The following PRKCA variants were observed in gnomAD, a reference collection of about 807,000 sequenced individuals.
PRKCA encodes the protein protein kinase C alpha type.
In PRKCA, 27 loss-of-function variants were observed where a neutral mutation model predicts 87.0. The observed-to-expected ratio is 0.31, with a 90% confidence interval of 0.23 to 0.43. The LOEUF is 0.43. Among genes scored for constraint, PRKCA ranks in the 20% least tolerant of loss-of-function variants. The pLI is 1.00. For synonymous variants in PRKCA, 329 were observed against 311.1 expected (o/e 1.06, Z -0.61); for missense variants, 518 against 852.3 (o/e 0.61, Z 4.88).
At chr17:66,339,122 T>C (rs181751113) in intron 2 of PRKCA, among the ~76,000 whole-genome samples, 7 of 152,302 alleles carry the variant, frequency 4.6e-5, no homozygotes, top group Admixed American at 3.9e-4. Context: ...GGTGCTTGAA[T>C]GAAAGGGTAA....
chr17:66,566,975 A>T (rs553936216), intron 3 of PRKCA, among the ~76,000 whole-genome samples: 3 of 152,222 alleles, frequency 2.0e-5, no homozygotes, highest in Non-Finnish European at 4.4e-5. Flanking sequence ...TTTATCCCAT[A>T]GATAACTAAA....
intron 2 of PRKCA, among the ~76,000 whole-genome samples, chr17:66,389,696 C>G (rs934289577): frequency 6.6e-6 from 1 of 152,178 alleles, no homozygotes; most frequent in African/African-American, 2.4e-5. Flanking sequence ...GCGACTGGTT[C>G]TTTTAGAGAT....
intron 13 of PRKCA, among the ~76,000 whole-genome samples, chr17:66,744,906 T>TC (rs1423158242): frequency 5.3e-5 from 8 of 151,992 alleles, no homozygotes; most frequent in African/African-American, 1.7e-4. Flanking sequence ...GGTGTCTTCT[T>TC]CCCTCCCCCA....
chr17:66,788,930 G>A lies in PRKCA; in HGVS notation c.1805G>A (p.Trp602Ter). 1 of 1,614,100 alleles carries A rather than the reference G, an allele frequency of 6.2e-7. No homozygotes were observed. The highest frequency in any genetic ancestry group is 8.5e-7 in the Non-Finnish European group (1 of 1,180,000). Residue 602 changes from tryptophan to a stop codon, truncating the protein, a stop_gained, in exon 16 of 17, where the codon TGG becomes TAG. Transcript: ENST00000413366. LOFTEE classifies it high-confidence loss of function. ...CATGCCTTCTTCCGGAGGATCGACT[G>A]GGAAAAACTGGAGAACAGGGAGATC... The part of the protein sequence containing the change: ...REHAFFRRID[W>*]EKLENREIQP...
intron 14 of PRKCA, chr17:66,775,851 G>C (rs1048538805): frequency 1.1e-4 from 87 of 795,318 alleles, no homozygotes; most frequent in Non-Finnish European, 1.3e-4. Context: ...CAGCTTAGAG[G>C]AGGAGAGACA....
At chr17:66,664,136 G>C (rs963229355) in intron 5 of PRKCA, among the ~76,000 whole-genome samples, 8 of 152,152 alleles carry the variant, frequency 5.3e-5, no homozygotes, top group African/African-American at 1.9e-4. Flanking sequence ...CCAAAGTGCC[G>C]GGTTTCTAGG....
chr17:66,721,167 C>T (rs1161533133), intron 8 of PRKCA, among the ~76,000 whole-genome samples: 4 of 151,936 alleles, frequency 2.6e-5, no homozygotes, highest in East Asian at 1.9e-4. Flanking sequence ...GAGGCCGAGG[C>T]GGGCGGATCA....
chr17:66,335,544 T>A (rs1906608481), intron 2 of PRKCA, among the ~76,000 whole-genome samples: 1 of 151,158 alleles, frequency 6.6e-6, no homozygotes, highest in African/African-American at 2.4e-5. Flanking sequence ...TAGAACTGAG[T>A]ACACTCCAGC....
At chr17:66,661,636 C>A (rs1186502311) in intron 5 of PRKCA, among the ~76,000 whole-genome samples, 1 of 152,222 alleles carries the variant, frequency 6.6e-6, no homozygotes, top group Non-Finnish European at 1.5e-5. Flanking sequence ...GATTGAGTGA[C>A]ATTTGTCCAA....
chr17:66,346,981 A>C (rs1907417626), intron 2 of PRKCA, among the ~76,000 whole-genome samples: 1 of 152,124 alleles, frequency 6.6e-6, no homozygotes, highest in Admixed American at 6.5e-5. Context: ...CAGGGAGCCA[A>C]GATCATGCCA....
chr17:66,327,591 C>T (rs1254866725), intron 2 of PRKCA, among the ~76,000 whole-genome samples: 1 of 152,100 alleles, frequency 6.6e-6, no homozygotes, highest in African/African-American at 2.4e-5. Context: ...TAACCGCCAG[C>T]TATCTGACAT....
chr17:66,421,696 C>CT (rs1473504954), intron 2 of PRKCA, among the ~76,000 whole-genome samples: 2 of 148,488 alleles, frequency 1.3e-5, no homozygotes, highest in African/African-American at 2.5e-5. Context: ...CCAGGCCTGG[C>CT]TAATTTTTTT....
intron 2 of PRKCA, among the ~76,000 whole-genome samples, chr17:66,389,340 C>A (rs186207802): frequency 6.6e-6 from 1 of 152,306 alleles, no homozygotes; most frequent in East Asian, 1.9e-4. Flanking sequence ...ACCTCTCCTG[C>A]AGCGTAGTGG....
intron 16 of PRKCA, among the ~76,000 whole-genome samples, chr17:66,794,603 G>GT (rs1339976218): frequency 7.0e-6 from 1 of 143,106 alleles, no homozygotes; most frequent in Non-Finnish European, 1.5e-5. Flanking sequence ...TGTTTTTTTT[G>GT]TTTTTTGGGG....
intron 2 of PRKCA, among the ~76,000 whole-genome samples, chr17:66,456,248 T>C (rs540039391): frequency 6.6e-6 from 1 of 152,286 alleles, no homozygotes; most frequent in South Asian, 2.1e-4. Flanking sequence ...GAGAATAGAT[T>C]CCTGTTCTGA....
chr17:66,590,565 T>C (rs759527081), intron 3 of PRKCA, among the ~76,000 whole-genome samples: 19 of 152,286 alleles, frequency 1.2e-4, no homozygotes, highest in Admixed American at 4.6e-4. Context: ...AAGAGGATGC[T>C]GGTCTGGACG....
At chr17:66,369,274 C>G in intron 2 of PRKCA, among the ~76,000 whole-genome samples, 1 of 152,146 alleles carries the variant, frequency 6.6e-6, no homozygotes, top group East Asian at 1.9e-4. Flanking sequence ...CTACCCCAGC[C>G]TAATGAGGTC....
intron 2 of PRKCA, among the ~76,000 whole-genome samples, chr17:66,458,308 A>G (rs1412621436): frequency 6.6e-6 from 1 of 152,128 alleles, no homozygotes; most frequent in African/African-American, 2.4e-5. Context: ...ATAAAGTTAT[A>G]TCTAAAACCT....
chr17:66,606,303 G>A (rs566229239), intron 3 of PRKCA, among the ~76,000 whole-genome samples: 2 of 152,136 alleles, frequency 1.3e-5, no homozygotes, highest in African/African-American at 2.4e-5. Context: ...CAGGAGAATC[G>A]CTTGAACCCG....
Sources: allele counts gnomAD v4.1 joint callset (sites outside exome capture counted in the v4.1 genomes callset), GRCh38; gene constraint gnomAD v4.1.1; transcripts MANE v1.5; gene names NCBI Gene and HGNC (gene_info 2026-07-23, HGNC 2026-07-21).